Variants in EREG observed in about 807,000 individuals in gnomAD.
EREG encodes epiregulin, also known as proepiregulin.
EREG carries 23 observed loss-of-function variants against 22.4 expected under a neutral mutation model. That is an observed-to-expected ratio of 1.03 (90% CI 0.74 to 1.46). The LOEUF is 1.46. Ranked by LOEUF, EREG falls within the 40% of genes most tolerant of loss-of-function variation. The pLI, the probability that EREG is intolerant of heterozygous loss-of-function variation, is 0.00. For synonymous variants in EREG, 100 were observed against 75.4 expected (o/e 1.33, Z -1.69); for missense variants, 226 against 205.9 (o/e 1.10, Z -0.60).
chr4:74,384,866 C>T lies in EREG; in HGVS notation c.*58C>T, dbSNP rs948605050. ...AGTGTGCCTGGTTAATATTAATATT[C>T]CCATTTTATTAATAATATTTATGTT... On this transcript the variant is annotated 3_prime_UTR_variant, in exon 5 of 5. Coordinates refer to ENST00000244869, the MANE Select transcript of EREG (RefSeq NM_001432.3). 4.3e-6 allele frequency: 4 copies of T among 937,190 alleles called. No individual in the cohort carries two copies. Among genetic ancestry groups the T allele is most frequent in the Non-Finnish European group, 6.8e-6 (4 of 589,048 alleles). The allele number at this position is 937,190 out of a possible 1,614,324, so 58.1% of individuals were successfully genotyped here. A position where few individuals can be genotyped will look rare whatever the true frequency, so the allele number is the denominator to read the frequency against.
chr4:74,378,290 C>G (rs868797860), intron 1 of EREG, among the ~76,000 whole-genome samples: 2 of 152,130 alleles, frequency 1.3e-5, no homozygotes, highest in African/African-American at 4.8e-5. Flanking sequence ...CTAGTTATCA[C>G]GCACCCTAGG....
In EREG at chr4:74,381,021, A is replaced by G. The variant is rs1382192798; in HGVS notation, c.162A>G (p.Thr54=). The part of the protein sequence containing the change: ...SSDNCTALVQ[T]EDNPRVAQVS... The stretch of plus-strand genomic sequence containing the variant: ...TTTCCACTTCTTTTACAGTTCAGAC[A>G]GAAGACAATCCACGTGTGGCTCAAG... Residue 54 remains threonine (T), a synonymous_variant, in exon 3 of 5, where the codon ACA becomes ACG. Transcript: ENST00000244869. 3 of 1,613,070 alleles carry G rather than the reference A, an allele frequency of 1.9e-6. No homozygotes were observed. The East Asian group carries it at 6.7e-5, about 36-fold the overall frequency.
In EREG at chr4:74,379,531, TTAGGTAAGCCCAAG is replaced by T; in HGVS notation, c.153_154+12del. The T allele has an allele frequency of 6.3e-7, 1 of 1,596,944 alleles. No individual in the cohort carries two copies. The highest frequency in any genetic ancestry group is 8.6e-7 in the Non-Finnish European group (1 of 1,164,566). On this transcript the variant is annotated splice_donor_variant and splice_donor_5th_base_variant and coding_sequence_variant and intron_variant, in exon 2 of 5. Coordinates refer to ENST00000244869, the MANE Select transcript of EREG (RefSeq NM_001432.3). LOFTEE classifies it high-confidence loss of function. ...AGAGTCCAGTGATAACTGCACAGCT[TTAGGTAAGCCCAAG>T]TTTGTCAATGTGGCATCAAGAGACT...
chr4:74,366,162 C>G (rs909908965), intron 1 of EREG, among the ~76,000 whole-genome samples: 2 of 151,990 alleles, frequency 1.3e-5, no homozygotes, highest in African/African-American at 4.8e-5. Context: ...TTCTAAATAG[C>G]CTTTCTGTTA....
chr4:74,377,757 G>A (rs1310421787), intron 1 of EREG, among the ~76,000 whole-genome samples: 2 of 152,184 alleles, frequency 1.3e-5, no homozygotes, highest in East Asian at 3.9e-4. Flanking sequence ...AGAGAGAGGC[G>A]GGAAGGAGGA....
Position 74,382,660 on chromosome 4 carries a change from T to C in EREG, c.294T>C (p.Tyr98=), listed in dbSNP as rs1438491631. ...SQNYCRCEVG[Y]TGVRCEHFFL... ...TTTCCTTCAGGTGTGAAGTGGGTTA[T>C]ACTGGTGTCCGATGTGAACACTTCT... Residue 98 remains tyrosine, a synonymous_variant, in exon 4 of 5, where the codon TAT becomes TAC. Transcript: ENST00000244869. 1 of 1,608,724 alleles carries C rather than the reference T, an allele frequency of 6.2e-7. No homozygotes were observed. Among genetic ancestry groups the C allele is most frequent in the Non-Finnish European group, 8.5e-7 (1 of 1,178,116 alleles).
chr4:74,386,771 T>C lies in EREG; in HGVS notation c.*1963T>C, dbSNP rs1752575781. The C allele has an allele frequency of 6.6e-6, 1 of 151,766 alleles. No homozygotes were observed. The highest frequency in any genetic ancestry group is 1.5e-5 in the Non-Finnish European group (1 of 68,000). 9.4% of individuals were successfully genotyped at this position (151,766 alleles called of 1,614,324 possible). A position where few individuals can be genotyped will look rare whatever the true frequency, so the allele number is the denominator to read the frequency against. Reference sequence around the variant, plus strand: ...AAAATAATACAACAACAACAAAAAATACATTATAACAACTATTTACTTTTT... The same window carrying C: ...AAAATAATACAACAACAACAAAAAACACATTATAACAACTATTTACTTTTT... On this transcript the variant is annotated 3_prime_UTR_variant, in exon 5 of 5. Coordinates refer to ENST00000244869, the MANE Select transcript of EREG (RefSeq NM_001432.3).
chr4:74,384,630 A>C, intron 4 of EREG, 97 bp from the exon 5 acceptor site: 1 of 604,976 alleles, frequency 1.7e-6, no homozygotes, highest in South Asian at 3.0e-5. Context: ...TCATTTTGGA[A>C]ACACTATGCT....
At position 74,382,704 on chromosome 4, in the gene EREG, C is replaced by A. The variant is rs752465246; in HGVS notation, c.338C>A (p.Pro113His). ...CEHFFLTVHQ[P>H]LSKEYVALTV... is the part of the protein sequence containing the mutation. ...CACTTCTTTTTAACCGTCCACCAAC[C>A]TTTAAGCAAAGAATATGTGGCTTTG... Residue 113 changes from proline (P) to histidine (H), a missense_variant, in exon 4 of 5, where the codon CCT becomes CAT. By Grantham distance (77) the Pro-to-His change is moderately conservative. Coordinates refer to ENST00000244869, the MANE Select transcript of EREG (RefSeq NM_001432.3). 1.2e-6 allele frequency: 2 copies of A among 1,613,630 alleles called. No homozygotes were observed. Among genetic ancestry groups the A allele is most frequent in the East Asian group, 2.2e-5 (1 of 44,866 alleles).
rs113410046 is a variant in EREG at position 74,369,950 on chromosome 4, C to CA, written c.67+4585dup. 9.4e-3 allele frequency among the ~76,000 whole-genome samples: 1,364 copies of CA among 144,620 alleles called. 22 individuals are homozygous for CA. Among genetic ancestry groups the CA allele is most frequent in the African/African-American group, 0.03 (1,191 of 39,614 alleles). The allele number at this position is 144,620 out of a possible 152,430, so 94.9% of individuals were successfully genotyped here. A position where few individuals can be genotyped will look rare whatever the true frequency, so the allele number is the denominator to read the frequency against. On this transcript the variant is annotated intron_variant, in intron 1 of 4. Transcript: ENST00000244869. ...CTGTCATCATAAAAATGGTTTCTTA[C>CA]AAAAAAAAAAGCCTCATTTAGTTCT... is the stretch of plus-strand genomic sequence containing the variant.
At position 74,386,677 on chromosome 4, in the gene EREG, T is replaced by C. The variant is rs1333946218; in HGVS notation, c.*1869T>C. Reference sequence around the variant, plus strand: ...TAAGAACACATTTTAAATACTCTACTTACAGTTGGCCCTCTGTGGTTAGTT... The same window carrying C: ...TAAGAACACATTTTAAATACTCTACCTACAGTTGGCCCTCTGTGGTTAGTT... On this transcript the variant is annotated 3_prime_UTR_variant, in exon 5 of 5. Transcript: ENST00000244869. 1.3e-5 allele frequency: 2 copies of C among 152,204 alleles called. No homozygotes were observed. The highest frequency in any genetic ancestry group is 2.4e-5 in the African/African-American group (1 of 41,434). The allele number at this position is 152,204 out of a possible 1,614,324, so 9.4% of individuals were successfully genotyped here. A position where few individuals can be genotyped will look rare whatever the true frequency, so the allele number is the denominator to read the frequency against.
intron 1 of EREG, among the ~76,000 whole-genome samples, chr4:74,374,704 C>T (rs1220411618): frequency 1.3e-5 from 2 of 152,118 alleles, no homozygotes; most frequent in Non-Finnish European, 2.9e-5. Flanking sequence ...GGCACTCAAC[C>T]TCTCCCACGC....
chr4:74,368,292 G>A (rs1430231701), intron 1 of EREG, among the ~76,000 whole-genome samples: 3 of 152,084 alleles, frequency 2.0e-5, no homozygotes, highest in Admixed American at 6.5e-5. Context: ...TTTACTTAAT[G>A]TTCATAATTT....
At position 74,365,339 on chromosome 4, in the gene EREG, T is replaced by C; in HGVS notation, c.31T>C (p.Cys11Arg). The C allele has an allele frequency of 6.2e-7, 1 of 1,609,424 alleles. No homozygotes were observed. Residue 11 changes from cysteine (C) to arginine (R), a missense_variant, in exon 1 of 5, where the codon TGT becomes CGT. By Grantham distance (180) the Cys-to-Arg change is radical. Coordinates refer to ENST00000244869, the MANE Select transcript of EREG (RefSeq NM_001432.3). MTAGRRMEML[C>R]AGRVPALLLC... ...CGCGGGGAGGAGGATGGAGATGCTC[T>C]GTGCCGGCAGGGTCCCTGCGCTGCT...
Position 74,386,798 on chromosome 4 carries a change from T to C in EREG, c.*1990T>C, listed in dbSNP as rs1752576622. On this transcript the variant is annotated 3_prime_UTR_variant, in exon 5 of 5. Transcript: ENST00000244869. ...CATTATAACAACTATTTACTTTTTT[T>C]TTTTTCTTTTTGAGATGGAGTCTCG... is the stretch of plus-strand genomic sequence containing the variant. 1 of 152,120 alleles carries C rather than the reference T, an allele frequency of 6.6e-6. No homozygotes were observed. The highest frequency in any genetic ancestry group is 2.4e-5 in the African/African-American group (1 of 41,406). 9.4% of individuals were successfully genotyped at this position (152,120 alleles called of 1,614,324 possible).
chr4:74,372,942 G>A (rs577064686), intron 1 of EREG, among the ~76,000 whole-genome samples: 1 of 148,172 alleles, frequency 6.7e-6, no homozygotes, highest in Non-Finnish European at 1.5e-5. Flanking sequence ...CGAGTAGTTG[G>A]GACCACAGGC....
chr4:74,377,147 C>T (rs867585326), intron 1 of EREG, among the ~76,000 whole-genome samples: 93 of 139,522 alleles, frequency 6.7e-4, no homozygotes, highest in African/African-American at 2.3e-3. Flanking sequence ...TGGGCTGTGA[C>T]AGCCATTTCA....
Position 74,385,875 on chromosome 4 carries a change from G to A in EREG, c.*1067G>A, listed in dbSNP as rs1440977750. On this transcript the variant is annotated 3_prime_UTR_variant, in exon 5 of 5. Coordinates refer to ENST00000244869, the MANE Select transcript of EREG (RefSeq NM_001432.3). ...TAAATGGCTTCTTCTAGAATGTAAAGTTATGTATTTAAAGTTGTATCTTGA... is the reference window on the plus strand; with the variant it reads ...TAAATGGCTTCTTCTAGAATGTAAAATTATGTATTTAAAGTTGTATCTTGA... 1.0e-5 allele frequency: 4 copies of A among 396,630 alleles called. No homozygotes were observed. Among genetic ancestry groups the A allele is most frequent in the South Asian group, 1.3e-4 (1 of 7,824 alleles). The allele number at this position is 396,630 out of a possible 1,614,324, so 24.6% of individuals were successfully genotyped here.
chr4:74,371,641 T>C (rs769357112), intron 1 of EREG, among the ~76,000 whole-genome samples: 4 of 152,214 alleles, frequency 2.6e-5, no homozygotes, highest in Non-Finnish European at 5.9e-5. Context: ...AGGCAGTATC[T>C]CCTCATATGA....
Sources: gnomAD v4.1 joint callset for allele counts (sites outside exome capture counted in the v4.1 genomes callset) on GRCh38, gnomAD v4.1.1 for gene constraint, MANE v1.5 for transcripts, NCBI Gene and HGNC (gene_info 2026-07-23, HGNC 2026-07-21) for gene names.